Variants in KCNH7 observed in about 807,000 individuals in gnomAD.
The protein encoded by KCNH7 is voltage-gated inwardly rectifying potassium channel KCNH7.
KCNH7 carries 49 observed loss-of-function variants against 120.8 expected under a neutral mutation model. That is an observed-to-expected ratio of 0.41 (90% CI 0.32 to 0.51). The LOEUF (loss-of-function observed/expected upper bound fraction) is 0.51. KCNH7 is among the 20% of genes least tolerant of loss of function. The pLI is 0.38. For missense variants in KCNH7, 1,097 were observed against 1,446.6 expected (o/e 0.76, Z 3.92); for synonymous variants, 547 against 516.1 (o/e 1.06, Z -0.81).
intron 6 of KCNH7, among the ~76,000 whole-genome samples, chr2:162,460,748 T>C (rs1032567521): frequency 5.3e-5 from 8 of 152,180 alleles, no homozygotes; most frequent in Non-Finnish European, 2.9e-5. Context: ...TTAAGCCACC[T>C]AGTTCATGGT....
chr2:162,678,527 C>A (rs942459485), intron 2 of KCNH7, among the ~76,000 whole-genome samples: 1 of 151,376 alleles, frequency 6.6e-6, no homozygotes, highest in Non-Finnish European at 1.5e-5. Flanking sequence ...TAAAGTCTAC[C>A]AATAATCTCA....
intron 2 of KCNH7, among the ~76,000 whole-genome samples, chr2:162,667,700 C>T (rs1232312664): frequency 6.6e-6 from 1 of 152,082 alleles, no homozygotes; most frequent in Non-Finnish European, 1.5e-5. Flanking sequence ...GTTCCAATTC[C>T]TAGATAAATC....
chr2:162,662,194 T>C (rs3860430), intron 2 of KCNH7, among the ~76,000 whole-genome samples: 40,385 of 151,826 alleles, frequency 0.27, 8,613 homozygotes, highest in African/African-American at 0.58. Context: ...ACCCAGGAGG[T>C]GGAGGTTGCA....
At position 162,471,867 on chromosome 2, in the gene KCNH7, A is replaced by G. The variant is rs543341976; in HGVS notation, c.1129-25424T>C. 2.0e-5 allele frequency among the ~76,000 whole-genome samples: 3 copies of G among 152,354 alleles called. No individual in the cohort carries two copies. In the South Asian group the frequency reaches 6.2e-4, roughly 32 times the overall value. On this transcript the variant is annotated intron_variant, in intron 6 of 15. Coordinates refer to ENST00000332142, the MANE Select transcript of KCNH7 (RefSeq NM_033272.4). ...ACAAGGCTACAGTAACCAAAACAGC[A>G]TGGTACTCTTACCAAAACAGAGATA...
At chr2:162,548,955 A>G (rs888020339) in intron 2 of KCNH7, among the ~76,000 whole-genome samples, 1 of 152,190 alleles carries the variant, frequency 6.6e-6, no homozygotes, top group Non-Finnish European at 1.5e-5. Flanking sequence ...GTACTGAAAG[A>G]TAGGGCCCAA....
intron 3 of KCNH7, among the ~76,000 whole-genome samples, chr2:162,525,953 C>T (rs538343107): frequency 1.5e-4 from 22 of 151,590 alleles, no homozygotes; most frequent in Non-Finnish European, 2.2e-4. Context: ...TTTACTCTAT[C>T]GGGGGAAATT....
chr2:162,593,618 G>A (rs1395582404), intron 2 of KCNH7, among the ~76,000 whole-genome samples: 1 of 151,960 alleles, frequency 6.6e-6, no homozygotes, highest in African/African-American at 2.4e-5. Context: ...TCTCATATGT[G>A]ATAATATGTT....
chr2:162,648,042 T>A (rs1445966326), intron 2 of KCNH7, among the ~76,000 whole-genome samples: 2 of 152,222 alleles, frequency 1.3e-5, no homozygotes, highest in Non-Finnish European at 2.9e-5. Flanking sequence ...ATGCTACTAA[T>A]GAATTACCTA....
chr2:162,788,988 T>TAAA (rs61348204), intron 2 of KCNH7, among the ~76,000 whole-genome samples: 33 of 105,142 alleles, frequency 3.1e-4, no homozygotes, highest in African/African-American at 1.2e-3. Flanking sequence ...AGGTACTGGT[T>TAAA]AAAAAAAAAA....
chr2:162,722,813 C>CTTTCTTTTTTTTTTTT (rs1220971256), intron 2 of KCNH7, among the ~76,000 whole-genome samples: 1 of 85,110 alleles, frequency 1.2e-5, no homozygotes, highest in African/African-American at 6.1e-5. Context: ...TTCTTTTTTT[C>CTTTCTTTTTTTTTTTT]TTTTTTTTTT....
chr2:162,829,790 A>C (rs1685408343), intron 2 of KCNH7, among the ~76,000 whole-genome samples: 1 of 151,896 alleles, frequency 6.6e-6, no homozygotes, highest in African/African-American at 2.4e-5. Context: ...TGAAAAAAAA[A>C]ACAAAGCATT....
At chr2:162,817,403 T>C (rs1007616704) in intron 2 of KCNH7, among the ~76,000 whole-genome samples, 12 of 152,166 alleles carry the variant, frequency 7.9e-5, no homozygotes, top group African/African-American at 2.9e-4. Flanking sequence ...TTATTTTTCT[T>C]TATTATTGAT....
At chr2:162,742,228 G>A (rs1273797312) in intron 2 of KCNH7, among the ~76,000 whole-genome samples, 1 of 151,846 alleles carries the variant, frequency 6.6e-6, no homozygotes, top group African/African-American at 2.4e-5. Context: ...TAGAGCAATG[G>A]GTGTCATAAG....
chr2:162,677,869 T>G (rs35417086), intron 2 of KCNH7, among the ~76,000 whole-genome samples: 2,073 of 151,554 alleles, frequency 0.014, 24 homozygotes, highest in South Asian at 0.035. Flanking sequence ...CACTTTTTGG[T>G]TTTAATTTGC....
At chr2:162,598,061 T>A (rs1273184846) in intron 2 of KCNH7, among the ~76,000 whole-genome samples, 1 of 152,056 alleles carries the variant, frequency 6.6e-6, no homozygotes, top group Non-Finnish European at 1.5e-5. Flanking sequence ...ATTTATACTC[T>A]TGTTTATTTC....
intron 6 of KCNH7, among the ~76,000 whole-genome samples, chr2:162,500,463 A>T (rs1486828736): frequency 6.6e-6 from 1 of 151,452 alleles, no homozygotes; most frequent in Non-Finnish European, 1.5e-5. Flanking sequence ...ATGACCACAT[A>T]GTCCCTGTGT....
At chr2:162,811,963 G>C (rs1166673687) in intron 2 of KCNH7, among the ~76,000 whole-genome samples, 3 of 152,112 alleles carry the variant, frequency 2.0e-5, no homozygotes, top group Non-Finnish European at 4.4e-5. Flanking sequence ...CAATATGGGG[G>C]CTCATGTACT....
At chr2:162,719,418 C>A (rs951085485) in intron 2 of KCNH7, among the ~76,000 whole-genome samples, 1 of 151,740 alleles carries the variant, frequency 6.6e-6, no homozygotes, top group Non-Finnish European at 1.5e-5. Flanking sequence ...AACTTGTATT[C>A]TAAAAGGTAG....
chr2:162,549,432 A>T (rs1692592513), intron 2 of KCNH7, among the ~76,000 whole-genome samples: 1 of 152,256 alleles, frequency 6.6e-6, no homozygotes, highest in East Asian at 1.9e-4. Flanking sequence ...GAAGCTGATC[A>T]TTGAATGTGT....
Sources: allele counts gnomAD v4.1 joint callset (sites outside exome capture counted in the v4.1 genomes callset), GRCh38; gene constraint gnomAD v4.1.1; transcripts MANE v1.5; gene names NCBI Gene and HGNC (gene_info 2026-07-23, HGNC 2026-07-21).